Variants in LEF1 observed in about 807,000 individuals in gnomAD.
The protein encoded by LEF1 is lymphoid enhancer-binding factor 1.
Under a neutral mutation model 51.2 loss-of-function variants are expected in LEF1, and 14 were observed. The observed-to-expected ratio is 0.27, with a 90% CI of 0.18 to 0.43. The LOEUF (loss-of-function observed/expected upper bound fraction) is 0.43, where lower values mean the gene tolerates loss of function less well. Ranked by LOEUF, LEF1 falls within the 20% of genes least tolerant of loss-of-function variation. The pLI is 1.00. For missense variants in LEF1, 386 were observed against 512.0 expected (o/e 0.75, Z 2.37); for synonymous variants, 185 against 183.2 (o/e 1.01, Z -0.08).
intron 9 of LEF1, 36 bp downstream of exon 9, chr4:108,070,627 A>T (rs1490116649): frequency 3.7e-6 from 5 of 1,348,374 alleles, no homozygotes; most frequent in Non-Finnish European, 5.3e-6. Context: ...CGAATGAGTG[A>T]GAGTGGAGAG....
At chr4:108,052,303 T>G (rs1737053926) in intron 11 of LEF1, among the ~76,000 whole-genome samples, 1 of 152,132 alleles carries the variant, frequency 6.6e-6, no homozygotes, top group African/African-American at 2.4e-5. Context: ...ACAAAAAAAG[T>G]GAGTTGGAAT....
chr4:108,075,370 C>T lies in LEF1; in HGVS notation c.1008+2850G>A, dbSNP rs765404023. ...ATGCTCAAATTTATTAGGTTCAGAA[C>T]AGACCTGGTAAAATTATCATCGACA... On this transcript the variant is annotated intron_variant, in intron 8 of 11. Transcript: ENST00000265165. The T allele has an allele frequency of 3.9e-5, 6 of 152,210 alleles. No homozygotes were observed. The East Asian group carries it at 1.2e-3, about 29-fold the overall frequency. The allele number at this position is 152,210 out of a possible 1,614,324, so 9.4% of individuals were successfully genotyped here. A position where few individuals can be genotyped will look rare whatever the true frequency, so the allele number is the denominator to read the frequency against.
Position 108,167,562 on chromosome 4 carries a change from C to T in LEF1, c.206G>A (p.Gly69Glu). 1.9e-6 allele frequency: 3 copies of T among 1,614,126 alleles called. No homozygotes were observed. Among genetic ancestry groups the T allele is most frequent in the Non-Finnish European group, 2.5e-6 (3 of 1,179,980 alleles). The change falls in exon 1 of 12, where the codon GGA (glycine) becomes GAA (glutamate). Residue 69 changes from glycine (G) to glutamate (E), a missense_variant. Physicochemically the swap from Gly to Glu is moderately conservative, Grantham distance 98. Coordinates refer to ENST00000265165, the MANE Select transcript of LEF1 (RefSeq NM_016269.5). The surrounding 1 kb of genome is among the most constrained non-coding windows in gnomAD (Gnocchi z 5.7). ...GGGCAGCGGCCCGCTCACCTCGTGT[C>T]CGTTGCTGGCCGGGATGATTTCAGA... ...NESEIIPASN[G>E]HEVARQAQTS...
At chr4:108,142,378 A>G (rs1460943548) in intron 3 of LEF1, among the ~76,000 whole-genome samples, 4 of 152,194 alleles carry the variant, frequency 2.6e-5, no homozygotes, top group Admixed American at 6.5e-5. Context: ...AGAGACACAA[A>G]TCAGTATGAC....
chr4:108,067,492 A>G (rs1396542225), intron 9 of LEF1, among the ~76,000 whole-genome samples: 1 of 152,192 alleles, frequency 6.6e-6, no homozygotes, highest in South Asian at 2.1e-4. Flanking sequence ...CCTTTAGACA[A>G]ACTACACCCA....
At chr4:108,159,193 C>T (rs1445075851) in intron 3 of LEF1, among the ~76,000 whole-genome samples, 1 of 152,156 alleles carries the variant, frequency 6.6e-6, no homozygotes, top group Non-Finnish European at 1.5e-5. Context: ...ATGGCAAGCG[C>T]TTCCAATTAT....
At chr4:108,074,015 T>A (rs1426054535) in intron 8 of LEF1, among the ~76,000 whole-genome samples, 2 of 152,104 alleles carry the variant, frequency 1.3e-5, no homozygotes, top group Non-Finnish European at 2.9e-5. Flanking sequence ...TTAGTAGATA[T>A]GGGGTTTCAC....
intron 3 of LEF1, among the ~76,000 whole-genome samples, chr4:108,143,218 A>G (rs1375518219): frequency 1.3e-5 from 2 of 152,202 alleles, no homozygotes; most frequent in Non-Finnish European, 2.9e-5. Context: ...TGCCTACTTC[A>G]GTTTACTGGG....
chr4:108,067,155 A>G (rs772405078), intron 9 of LEF1, among the ~76,000 whole-genome samples: 5 of 152,214 alleles, frequency 3.3e-5, no homozygotes, highest in African/African-American at 4.8e-5. Context: ...TGAAAACACT[A>G]TGAACGAAGC....
chr4:108,140,323 G>C (rs992743454), intron 3 of LEF1, among the ~76,000 whole-genome samples: 1 of 152,166 alleles, frequency 6.6e-6, no homozygotes. Context: ...AAAATTCATT[G>C]ATGTTGGCTC....
chr4:108,108,109 C>T (rs1257127443), intron 3 of LEF1, among the ~76,000 whole-genome samples: 1 of 152,116 alleles, frequency 6.6e-6, no homozygotes, highest in Non-Finnish European at 1.5e-5. Flanking sequence ...TCGATGAGAC[C>T]CAACCATCTA....
chr4:108,165,699 C>T (rs1378539463), intron 1 of LEF1, among the ~76,000 whole-genome samples: 2 of 152,214 alleles, frequency 1.3e-5, no homozygotes. Flanking sequence ...GAGCTTATAA[C>T]CTACTATGGC....
rs1739752812 is a variant in LEF1, at chr4:108,087,857, T to C, written c.547+1268A>G. 2.0e-5 allele frequency among the ~76,000 whole-genome samples: 3 copies of C among 152,114 alleles called. No homozygotes were observed. The South Asian group carries it at 6.2e-4, about 32-fold the overall frequency. ...CCACGACCAAGACTGGTCCTCCCTCTCAAACTCAGCCTGCTTCCTGAGACC... is the reference window on the plus strand; with the variant it reads ...CCACGACCAAGACTGGTCCTCCCTCCCAAACTCAGCCTGCTTCCTGAGACC... On this transcript the variant is annotated intron_variant, in intron 4 of 11. Transcript: ENST00000265165.
At chr4:108,078,062 A>G (rs1739030602) in intron 8 of LEF1, among the ~76,000 whole-genome samples, 158 bp downstream of exon 8, 1 of 152,072 alleles carries the variant, frequency 6.6e-6, no homozygotes, top group Non-Finnish European at 1.5e-5. Context: ...AAAGAATAAC[A>G]GTAAAAACAG....
At chr4:108,115,165 T>C (rs1013457903) in intron 3 of LEF1, among the ~76,000 whole-genome samples, 1 of 152,208 alleles carries the variant, frequency 6.6e-6, no homozygotes, top group Non-Finnish European at 1.5e-5. Flanking sequence ...AAAAAGTATC[T>C]ACTGACAATG....
Position 108,072,809 on chromosome 4 carries a change from G to A in LEF1, c.1009-2039C>T, listed in dbSNP as rs1040644122. The stretch of plus-strand genomic sequence containing the variant: ...AAAAGTCACACTGCTGCTAGCAACT[G>A]ACAGCTTTTTAAACCTGGAACACTG... On this transcript the variant is annotated intron_variant, in intron 8 of 11. Coordinates refer to ENST00000265165, the MANE Select transcript of LEF1 (RefSeq NM_016269.5). 5 of 152,228 alleles carry A rather than the reference G, an allele frequency of 3.3e-5. 1 individual carries two copies. The highest frequency in any genetic ancestry group is 3.3e-4 in the Admixed American group (5 of 15,290). 9.4% of individuals were successfully genotyped at this position (152,228 alleles called of 1,614,324 possible). A position where few individuals can be genotyped will look rare whatever the true frequency, so the allele number is the denominator to read the frequency against.
At chr4:108,119,269 G>A (rs922980365) in intron 3 of LEF1, among the ~76,000 whole-genome samples, 5 of 150,848 alleles carry the variant, frequency 3.3e-5, no homozygotes, top group Non-Finnish European at 5.9e-5. Flanking sequence ...TTAAAATGGG[G>A]AAATTTTCTA....
intron 3 of LEF1, among the ~76,000 whole-genome samples, chr4:108,121,302 T>C (rs746857208): frequency 1.3e-5 from 2 of 152,196 alleles, no homozygotes; most frequent in African/African-American, 2.4e-5. Context: ...CAAGTGCAAA[T>C]GTCTACACAG....
chr4:108,155,824 T>C (rs1472902159), intron 3 of LEF1, among the ~76,000 whole-genome samples: 1 of 152,214 alleles, frequency 6.6e-6, no homozygotes, highest in Non-Finnish European at 1.5e-5. Context: ...TTCCCTTCTC[T>C]ATGTTTAGCC....
Sources: gnomAD v4.1 joint callset for allele counts (sites outside exome capture counted in the v4.1 genomes callset) on GRCh38, gnomAD v4.1.1 for gene constraint, Gnocchi (gnomAD v3.1) non-coding constraint, MANE v1.5 for transcripts, NCBI Gene and HGNC (gene_info 2026-07-23, HGNC 2026-07-21) for gene names.